The following TMEM150C variants were observed in gnomAD, a reference collection of about 807,000 sequenced individuals.
The protein encoded by TMEM150C is tentonin 3.
Under a neutral mutation model 29.9 loss-of-function variants are expected in TMEM150C, and 10 were observed. That is an observed-to-expected ratio of 0.33 (90% confidence interval 0.21 to 0.57). The LOEUF is 0.57. Among genes scored for constraint, TMEM150C ranks in the 20% least tolerant of loss-of-function variants. The pLI is 0.88. For missense variants in TMEM150C, 251 were observed against 303.6 expected, an observed-to-expected ratio of 0.83 and a Z score of 1.29; for synonymous variants, 101 against 112.5, an observed-to-expected ratio of 0.90 and a Z score of 0.64.
chr4:82,492,231 C>T (rs1411402366), intron 6 of TMEM150C, among the ~76,000 whole-genome samples: 2 of 152,160 alleles, frequency 1.3e-5, no homozygotes, highest in Non-Finnish European at 2.9e-5. Flanking sequence ...TGAGTTCAAG[C>T]GATTCTCATG....
chr4:82,556,137 C>A (rs982053881), intron 1 of TMEM150C, among the ~76,000 whole-genome samples: 1 of 151,836 alleles, frequency 6.6e-6, no homozygotes, highest in African/African-American at 2.4e-5. Context: ...CATCACCACA[C>A]CCGGCTAATT....
At chr4:82,555,496 T>G (rs1191535879) in intron 1 of TMEM150C, among the ~76,000 whole-genome samples, 1 of 152,216 alleles carries the variant, frequency 6.6e-6, no homozygotes, top group African/African-American at 2.4e-5. Context: ...GACCACAGGC[T>G]GGCAGCAGTG....
intron 1 of TMEM150C, among the ~76,000 whole-genome samples, chr4:82,560,765 C>T (rs562621952): frequency 6.6e-6 from 1 of 152,340 alleles, no homozygotes; most frequent in Non-Finnish European, 1.5e-5. Context: ...TAGCCCTGCA[C>T]TATTAAAATG....
chr4:82,556,500 G>A (rs1261329845), intron 1 of TMEM150C, among the ~76,000 whole-genome samples: 3 of 152,162 alleles, frequency 2.0e-5, no homozygotes, highest in African/African-American at 7.2e-5. Context: ...TACAGTAAGT[G>A]TTGTAAGAAA....
intron 1 of TMEM150C, among the ~76,000 whole-genome samples, chr4:82,523,652 T>C (rs1285777278): frequency 6.6e-6 from 1 of 152,136 alleles, no homozygotes; most frequent in South Asian, 2.1e-4. Flanking sequence ...TTTCCCTCTC[T>C]ATTTGCCTAA....
chr4:82,514,438 G>A (rs745732710), intron 1 of TMEM150C, among the ~76,000 whole-genome samples: 2 of 152,214 alleles, frequency 1.3e-5, no homozygotes, highest in Non-Finnish European at 2.9e-5. Context: ...ATGTTGGAAC[G>A]TAATGGAAAT....
At chr4:82,509,207 G>A (rs1444487293) in intron 1 of TMEM150C, among the ~76,000 whole-genome samples, 1 of 152,194 alleles carries the variant, frequency 6.6e-6, no homozygotes, top group African/African-American at 2.4e-5. Context: ...AACACTTTGA[G>A]TCAGATGATG....
At chr4:82,530,800 A>G (rs967315582) in intron 1 of TMEM150C, among the ~76,000 whole-genome samples, 1 of 152,210 alleles carries the variant, frequency 6.6e-6, no homozygotes, top group Non-Finnish European at 1.5e-5. Context: ...GAAGCATAGT[A>G]GCTTCTGGAG....
chr4:82,535,107 T>C (rs1286868865), intron 1 of TMEM150C, among the ~76,000 whole-genome samples: 4 of 152,200 alleles, frequency 2.6e-5, no homozygotes, highest in African/African-American at 9.7e-5. Context: ...ATGAATCTGA[T>C]GCTACATGGT....
intron 1 of TMEM150C, among the ~76,000 whole-genome samples, chr4:82,528,410 C>G (rs952601287): frequency 2.0e-5 from 3 of 152,236 alleles, no homozygotes; most frequent in African/African-American, 7.2e-5. Context: ...TGATGTGCTC[C>G]TGGCCTGGGG....
intron 1 of TMEM150C, among the ~76,000 whole-genome samples, chr4:82,513,258 T>C (rs1724188282): frequency 6.6e-6 from 1 of 152,164 alleles, no homozygotes; most frequent in African/African-American, 2.4e-5. Flanking sequence ...CAGCAATCTT[T>C]GCTGGTCTTC....
Position 82,485,646 on chromosome 4 carries a change from CAG to C in TMEM150C, c.613_614del (p.Leu205ValfsTer16), listed in dbSNP as rs772910513. On this transcript the variant is annotated frameshift_variant, in exon 8 of 8. Transcript: ENST00000449862. LOFTEE classifies it high-confidence loss of function. Reference protein sequence around the residue: ...RVQWGLVMCFLSYFGTFAVEF... With the variant: ...RVQWGLVMCFXSYFGTFAVEF... Reference sequence around the variant, plus strand: ...CCACGGCAAAGGTGCCAAAATAAGACAGGAAGCACATGACCAGGCCCCACTGG... The same window carrying C: ...CCACGGCAAAGGTGCCAAAATAAGACGAAGCACATGACCAGGCCCCACTGG... 1 of 1,609,612 alleles carries C rather than the reference CAG, an allele frequency of 6.2e-7. No homozygotes were observed. The highest frequency in any genetic ancestry group is 8.5e-7 in the Non-Finnish European group (1 of 1,177,944).
At chr4:82,561,590 G>A (rs1163006119) in intron 1 of TMEM150C, among the ~76,000 whole-genome samples, 2 of 149,986 alleles carry the variant, frequency 1.3e-5, no homozygotes, top group Non-Finnish European at 3.0e-5. Context: ...CGGGCTGGCT[G>A]GCGGCACTGC....
intron 1 of TMEM150C, among the ~76,000 whole-genome samples, chr4:82,523,892 G>T (rs1194472581): frequency 2.0e-5 from 3 of 151,574 alleles, no homozygotes; most frequent in African/African-American, 7.3e-5. Context: ...ATGTTGGCCA[G>T]GCTGGTCTTG....
chr4:82,498,452 G>A (rs1435237514), intron 5 of TMEM150C, among the ~76,000 whole-genome samples: 2 of 152,192 alleles, frequency 1.3e-5, no homozygotes, highest in Admixed American at 1.3e-4. Flanking sequence ...ACCAAGCCAA[G>A]CTAATGTTTT....
At chr4:82,528,139 T>C (rs557271323) in intron 1 of TMEM150C, among the ~76,000 whole-genome samples, 6 of 152,300 alleles carry the variant, frequency 3.9e-5, no homozygotes, top group Admixed American at 6.5e-5. Flanking sequence ...ATGAATAAAG[T>C]ACTACAGGAA....
chr4:82,511,705 G>T (rs922728783), intron 1 of TMEM150C, among the ~76,000 whole-genome samples: 1 of 151,986 alleles, frequency 6.6e-6, no homozygotes, highest in African/African-American at 2.4e-5. Context: ...GGGCTCAAGC[G>T]ATCCACCTGC....
chr4:82,486,428 A>G (rs1723164685), intron 7 of TMEM150C, among the ~76,000 whole-genome samples: 3 of 151,662 alleles, frequency 2.0e-5, no homozygotes, highest in Non-Finnish European at 2.9e-5. Context: ...ATAATTTTGA[A>G]CATATCAAAT....
chr4:82,506,731 GTC>G (rs1723934378), intron 1 of TMEM150C, among the ~76,000 whole-genome samples: 3 of 152,216 alleles, frequency 2.0e-5, no homozygotes, highest in Admixed American at 1.3e-4. Flanking sequence ...TTGCTAGTGA[GTC>G]TCTATTCATT....
Sources: gnomAD v4.1 joint callset for allele counts (sites outside exome capture counted in the v4.1 genomes callset) on GRCh38, gnomAD v4.1.1 for gene constraint, MANE v1.5 for transcripts, NCBI Gene and HGNC (gene_info 2026-07-23, HGNC 2026-07-21) for gene names.